The following ARHGAP21 variants were observed in gnomAD, a reference collection of about 807,000 sequenced individuals.
ARHGAP21 encodes Rho GTPase activating protein 21, also known as rho GTPase-activating protein 21.
A neutral mutation model predicts 164.6 loss-of-function variants in ARHGAP21; 38 were observed. The observed-to-expected ratio is 0.23, with a 90% confidence interval of 0.18 to 0.30. The LOEUF is 0.30. Among genes scored for constraint, ARHGAP21 ranks in the 10% least tolerant of loss-of-function variants. The pLI is 1.00. For synonymous variants in ARHGAP21, 766 were observed against 857.9 expected (o/e 0.89, Z 1.87); for missense variants, 1,822 against 2,370.7 (o/e 0.77, Z 4.81).
intron 25 of ARHGAP21, 111 bp downstream of exon 25, chr10:24,589,160 G>T: frequency 3.3e-6 from 3 of 905,708 alleles, no homozygotes; most frequent in South Asian, 2.9e-5. Context: ...ATTATACTTT[G>T]TTGCTCTGTC....
At chr10:24,622,426 T>G (rs1834638595) in intron 8 of ARHGAP21, among the ~76,000 whole-genome samples, 1 of 102,414 alleles carries the variant, frequency 9.8e-6, no homozygotes. Flanking sequence ...GTGAGATACT[T>G]AAAAAACATA....
chr10:24,620,100 A>G lies in ARHGAP21; in HGVS notation c.1795T>C (p.Phe599Leu). The part of the protein sequence containing the change: ...DLKTLQSNRN[F>L]QTTCGMSLPR... The stretch of plus-strand genomic sequence containing the variant: ...AGTGACATTCCACAAGTAGTCTGAA[A>G]ATTTCTGTTTGACTGCAATGTTTTT... Residue 599 changes from phenylalanine (F) to leucine (L), a missense_variant, in exon 9 of 26, where the codon TTT becomes CTT. By Grantham distance (22) the Phe-to-Leu change is conservative. Transcript: ENST00000396432. 1 of 1,613,942 alleles carries G rather than the reference A, an allele frequency of 6.2e-7. No homozygotes were observed. The highest frequency in any genetic ancestry group is 8.5e-7 in the Non-Finnish European group (1 of 1,179,862).
intron 14 of ARHGAP21, among the ~76,000 whole-genome samples, chr10:24,599,884 A>G (rs553011253): frequency 6.6e-6 from 1 of 152,318 alleles, no homozygotes; most frequent in Non-Finnish European, 1.5e-5. Flanking sequence ...CTGTAATGCC[A>G]GCACTTTGGG....
intron 4 of ARHGAP21, among the ~76,000 whole-genome samples, chr10:24,658,506 A>T (rs1322888470): frequency 6.6e-6 from 1 of 152,260 alleles, no homozygotes; most frequent in Non-Finnish European, 1.5e-5. Flanking sequence ...GCCATAAAAA[A>T]GGATGAGTTC....
At chr10:24,642,670 G>A (rs539770646) in intron 4 of ARHGAP21, among the ~76,000 whole-genome samples, 16 of 152,164 alleles carry the variant, frequency 1.1e-4, no homozygotes, top group African/African-American at 3.6e-4. Flanking sequence ...ATAAAAAGCA[G>A]TATGTCATGA....
intron 4 of ARHGAP21, 26 bp downstream of exon 4, chr10:24,666,959 G>A (rs375193670): frequency 7.1e-7 from 1 of 1,414,418 alleles, no homozygotes; most frequent in South Asian, 1.3e-5. Flanking sequence ...AACATTCAGA[G>A]ATAAATTAAA....
intron 3 of ARHGAP21, among the ~76,000 whole-genome samples, chr10:24,668,829 G>T (rs973907941): frequency 1.3e-5 from 2 of 151,888 alleles, no homozygotes; most frequent in African/African-American, 4.8e-5. Flanking sequence ...AATAATACAT[G>T]TTTATATAAG....
intron 2 of ARHGAP21, among the ~76,000 whole-genome samples, chr10:24,678,960 G>A (rs1388699041): frequency 6.6e-5 from 10 of 152,074 alleles, no homozygotes; most frequent in Admixed American, 4.6e-4. Context: ...TTTCATTGCT[G>A]AGTTGTATTC....
intron 9 of ARHGAP21, among the ~76,000 whole-genome samples, chr10:24,614,781 T>TAAAA (rs1405317748): frequency 2.2e-5 from 1 of 46,462 alleles, no homozygotes; most frequent in Admixed American, 2.1e-4. Flanking sequence ...AGACTCCATC[T>TAAAA]CAAAAAAAAA....
intron 2 of ARHGAP21, among the ~76,000 whole-genome samples, chr10:24,676,682 C>A (rs930801399): frequency 3.3e-5 from 5 of 152,042 alleles, no homozygotes; most frequent in Admixed American, 6.6e-5. Context: ...AATCTATAAA[C>A]ATAATTTGAA....
At chr10:24,722,891 C>T (rs1846070481) in intron 1 of ARHGAP21, 1 of 151,994 alleles carries the variant, frequency 6.6e-6, no homozygotes, top group Non-Finnish European at 1.5e-5. Context: ...GCCGCTCCCG[C>T]TCCAGGGCAT....
intron 2 of ARHGAP21, among the ~76,000 whole-genome samples, chr10:24,698,384 A>G (rs968603844): frequency 6.6e-6 from 1 of 152,174 alleles, no homozygotes; most frequent in Non-Finnish European, 1.5e-5. Context: ...AAGCAGCGGC[A>G]AAGTGACTAG....
chr10:24,717,454 G>A (rs1845496998), intron 2 of ARHGAP21, among the ~76,000 whole-genome samples: 1 of 152,184 alleles, frequency 6.6e-6, no homozygotes, highest in African/African-American at 2.4e-5. Context: ...GGTGTTTTGA[G>A]AGAATACACT....
At chr10:24,594,292 G>C (rs2076477935) in intron 21 of ARHGAP21, among the ~76,000 whole-genome samples, 1 of 152,114 alleles carries the variant, frequency 6.6e-6, no homozygotes, top group Non-Finnish European at 1.5e-5. Flanking sequence ...ACCATGTGTA[G>C]ACCTTGTTTG....
rs756203730 is a variant in ARHGAP21 at position 24,643,354 on chromosome 10, T to TG, written c.269-8252dup. Reference sequence around the variant, plus strand: ...CTGTTATGCTAGAATTTAATTTCTCTGCAAACTCAGAAAAATTTGTTATGG... The same window carrying TG: ...CTGTTATGCTAGAATTTAATTTCTCTGGCAAACTCAGAAAAATTTGTTATGG... On this transcript the variant is annotated intron_variant, in intron 4 of 25. Coordinates refer to ENST00000396432, the MANE Select transcript of ARHGAP21 (RefSeq NM_020824.4). Among the ~76,000 whole-genome samples the TG allele has an allele frequency of 2.4e-3, 367 of 152,352 alleles. 5 individuals are homozygous for TG. Among genetic ancestry groups the TG allele is most frequent in the Middle Eastern group, 0.01 (3 of 294 alleles).
chr10:24,620,235 G>T lies in ARHGAP21; in HGVS notation c.1660C>A (p.Arg554=). The change falls in exon 9 of 26, where the codon CGA becomes AGA. Residue 554 remains arginine, a synonymous_variant. Transcript: ENST00000396432. ...PRQQEIHKSF[R]GSNFTVAPSV... ...GGAGCCACAGTAAAATTGGAACCTC[G>T]AAAAGATTTATGAATTTCTTGCTGC... The T allele has an allele frequency of 6.2e-7, 1 of 1,613,862 alleles. No homozygotes were observed. The highest frequency in any genetic ancestry group is 8.5e-7 in the Non-Finnish European group (1 of 1,179,864).
intron 7 of ARHGAP21, among the ~76,000 whole-genome samples, chr10:24,627,348 A>AT (rs763579132): frequency 5.3e-5 from 8 of 152,228 alleles, no homozygotes; most frequent in Admixed American, 1.3e-4. Flanking sequence ...TAAGATCTGC[A>AT]TAAGTACTTC....
intron 21 of ARHGAP21, 30 bp from the exon 22 acceptor site, chr10:24,592,042 C>A: frequency 1.3e-6 from 2 of 1,506,624 alleles, no homozygotes; most frequent in East Asian, 2.3e-5. Flanking sequence ...TGGGAAATAC[C>A]AGAATTTTTC....
At chr10:24,641,467 C>G (rs928525622) in intron 4 of ARHGAP21, among the ~76,000 whole-genome samples, 6 of 152,142 alleles carry the variant, frequency 3.9e-5, no homozygotes, top group African/African-American at 1.4e-4. Context: ...CATGAGCTCC[C>G]AAACCCAAAT....
Sources: allele counts gnomAD v4.1 joint callset (sites outside exome capture counted in the v4.1 genomes callset), GRCh38; gene constraint gnomAD v4.1.1; transcripts MANE v1.5; gene names NCBI Gene and HGNC (gene_info 2026-07-23, HGNC 2026-07-21).